Variants in SGK3 observed in about 807,000 individuals in gnomAD.
The protein encoded by SGK3 is serum/glucocorticoid regulated kinase family member 3.
Under a neutral mutation model 68.5 loss-of-function variants are expected in SGK3, and 47 were observed. The observed-to-expected ratio is 0.69, with a 90% CI of 0.54 to 0.87. The LOEUF (loss-of-function observed/expected upper bound fraction) is 0.87. Ranked by LOEUF, SGK3 falls within the 40% of genes least tolerant of loss-of-function variation. The probability of loss-of-function intolerance (pLI) is 0.00; values close to 1 mark genes in which losing one functional copy is unlikely to be tolerated. For synonymous variants in SGK3, 181 were observed against 189.1 expected (o/e 0.96, Z 0.35); for missense variants, 479 against 575.5 (o/e 0.83, Z 1.72).
chr8:66,822,328 A>G, intron 5 of SGK3, 44 bp from the exon 6 acceptor site: 1 of 1,557,726 alleles, frequency 6.4e-7, no homozygotes, highest in Non-Finnish European at 8.7e-7. Flanking sequence ...GAAAGGCTGT[A>G]GAAATGCTTT....
At chr8:66,817,599 C>G (rs527381265) in intron 5 of SGK3, among the ~76,000 whole-genome samples, 2 of 151,962 alleles carry the variant, frequency 1.3e-5, no homozygotes, top group South Asian at 4.2e-4. Flanking sequence ...GTTATCTCCC[C>G]CCTCGGCCTC....
intron 1 of SGK3, among the ~76,000 whole-genome samples, chr8:66,752,940 C>G (rs367930993): frequency 6.6e-6 from 1 of 152,048 alleles, no homozygotes; most frequent in Non-Finnish European, 1.5e-5. Context: ...CCTCAAACTC[C>G]TGGGCTCAAG....
intron 10 of SGK3, among the ~76,000 whole-genome samples, chr8:66,837,931 T>TA (rs1809605671): frequency 6.6e-6 from 1 of 152,378 alleles, no homozygotes; most frequent in South Asian, 2.1e-4. Flanking sequence ...TGCTGACAGA[T>TA]AAAGAGAATT....
chr8:66,803,978 C>T (rs1808055330), intron 3 of SGK3, among the ~76,000 whole-genome samples: 1 of 152,134 alleles, frequency 6.6e-6, no homozygotes, highest in Non-Finnish European at 1.5e-5. Flanking sequence ...AAGATCATAT[C>T]TTCTCCTAAG....
chr8:66,724,597 T>C (rs763898699), intron 1 of SGK3, among the ~76,000 whole-genome samples: 1 of 151,900 alleles, frequency 6.6e-6, no homozygotes, highest in African/African-American at 2.4e-5. Flanking sequence ...TAAAAACTAA[T>C]AAAAAATAAA....
chr8:66,751,744 T>G (rs1585667594), intron 1 of SGK3, among the ~76,000 whole-genome samples: 1 of 149,378 alleles, frequency 6.7e-6, no homozygotes, highest in African/African-American at 2.5e-5. Flanking sequence ...ATCATTCATT[T>G]TATTTATTTA....
chr8:66,751,157 CCGGGCGTGGTGG>C (rs1264704601), intron 1 of SGK3, among the ~76,000 whole-genome samples: 1 of 151,966 alleles, frequency 6.6e-6, no homozygotes, highest in Non-Finnish European at 1.5e-5. Flanking sequence ...AAAAAATTAG[CCGGGCGTGGTGG>C]CGGGCGCCTG....
At chr8:66,785,680 C>A (rs749358529) in intron 1 of SGK3, among the ~76,000 whole-genome samples, 3 of 152,182 alleles carry the variant, frequency 2.0e-5, no homozygotes, top group Non-Finnish European at 4.4e-5. Flanking sequence ...TGTTATATTA[C>A]CCTTGCAGAT....
At chr8:66,767,517 G>C in intron 1 of SGK3, 2 of 1,512,858 alleles carry the variant, frequency 1.3e-6, no homozygotes, top group East Asian at 2.3e-5. Context: ...AAGGTGAAGG[G>C]GGGCCCAGCT....
chr8:66,760,576 C>T (rs529401451), intron 1 of SGK3, among the ~76,000 whole-genome samples: 19 of 151,932 alleles, frequency 1.3e-4, no homozygotes, highest in Admixed American at 8.5e-4. Flanking sequence ...CCTCATGATC[C>T]GTCCGCCTCG....
At chr8:66,724,890 G>A (rs78305693) in intron 1 of SGK3, among the ~76,000 whole-genome samples, 4,380 of 152,184 alleles carry the variant, frequency 0.029, 103 homozygotes, top group South Asian at 0.053. Context: ...TCAGAGGTTC[G>A]AGTCCAGCCT....
intron 1 of SGK3, among the ~76,000 whole-genome samples, chr8:66,781,553 GCTGTCAGTGGTTA>G (rs1474262921): frequency 6.6e-6 from 1 of 152,098 alleles, no homozygotes; most frequent in Non-Finnish European, 1.5e-5. Context: ...AAAACAAAGG[GCTGTCAGTGGTTA>G]CTTCCACTTC....
intron 5 of SGK3, among the ~76,000 whole-genome samples, chr8:66,818,042 C>T (rs1808664821): frequency 6.6e-6 from 1 of 152,120 alleles, no homozygotes. Context: ...TCACCCGAGC[C>T]CAGGAGATCC....
At chr8:66,792,774 C>T (rs570323671) in intron 1 of SGK3, among the ~76,000 whole-genome samples, 1 of 152,198 alleles carries the variant, frequency 6.6e-6, no homozygotes, top group South Asian at 2.1e-4. Flanking sequence ...TGCCTATAGT[C>T]GCAGCTACTT....
At chr8:66,800,349 A>C (rs1334782563) in intron 3 of SGK3, among the ~76,000 whole-genome samples, 1 of 148,954 alleles carries the variant, frequency 6.7e-6, no homozygotes, top group Non-Finnish European at 1.5e-5. Flanking sequence ...TCAAAAAAAA[A>C]AAAGTGGCGG....
intron 2 of SGK3, 41 bp downstream of exon 2, chr8:66,793,873 G>A (rs377252014): frequency 1.3e-6 from 2 of 1,587,110 alleles, no homozygotes; most frequent in Non-Finnish European, 1.7e-6. Flanking sequence ...AAAGTTGAAT[G>A]TAGAGAATAT....
At chr8:66,726,169 C>A (rs1804981598) in intron 1 of SGK3, among the ~76,000 whole-genome samples, 1 of 152,134 alleles carries the variant, frequency 6.6e-6, no homozygotes, top group Admixed American at 6.6e-5. Flanking sequence ...GAAAAAGACA[C>A]TAATATTTAT....
At chr8:66,782,545 G>A (rs1807033278) in intron 1 of SGK3, among the ~76,000 whole-genome samples, 1 of 152,114 alleles carries the variant, frequency 6.6e-6, no homozygotes, top group African/African-American at 2.4e-5. Context: ...CATTCTGTGG[G>A]TTTGGACAAA....
At chr8:66,820,274 A>G (rs1189301630) in intron 5 of SGK3, among the ~76,000 whole-genome samples, 1 of 152,184 alleles carries the variant, frequency 6.6e-6, no homozygotes, top group Non-Finnish European at 1.5e-5. Flanking sequence ...TTCTGTCTGT[A>G]CAGATTTGCC....
Sources: gnomAD v4.1 joint callset for allele counts (sites outside exome capture counted in the v4.1 genomes callset) on GRCh38, gnomAD v4.1.1 for gene constraint, MANE v1.5 for transcripts, NCBI Gene and HGNC (gene_info 2026-07-23, HGNC 2026-07-21) for gene names.